Variants in PTPDC1 observed in about 807,000 individuals in gnomAD.
PTPDC1 encodes protein tyrosine phosphatase domain-containing protein 1.
Under a neutral mutation model 75.3 loss-of-function variants are expected in PTPDC1, and 53 were observed. The observed-to-expected ratio is 0.70, with a 90% confidence interval of 0.56 to 0.88. The LOEUF is 0.88. Ranked by LOEUF, PTPDC1 falls within the 40% of genes least tolerant of loss-of-function variation. The pLI, the probability that PTPDC1 is intolerant of heterozygous loss-of-function variation, is 0.00. For missense variants in PTPDC1, 925 were observed against 998.6 expected (o/e 0.93, Z 0.99); for synonymous variants, 349 against 366.2 (o/e 0.95, Z 0.54).
rs1827705154 is a variant in PTPDC1 at position 94,098,490 on chromosome 9, G to A, written c.1924G>A (p.Ala642Thr). ...ATTACAGTCTGAATTGAGTGCTGAG[G>A]CAAGAAGAATACTGGCGGCCAAAGC... ...SALQSELSAE[A>T]RRILAAKALA... Residue 642 changes from alanine (A) to threonine (T), a missense_variant, in exon 6 of 9, where the codon GCA becomes ACA. Transcript: ENST00000620992. 1 of 1,614,200 alleles carries A rather than the reference G, an allele frequency of 6.2e-7. No homozygotes were observed. Among genetic ancestry groups the A allele is most frequent in the South Asian group, 1.1e-5 (1 of 91,086 alleles).
At chr9:94,052,942 G>A (rs1204149503) in intron 1 of PTPDC1, among the ~76,000 whole-genome samples, 1 of 152,198 alleles carries the variant, frequency 6.6e-6, no homozygotes, top group African/African-American at 2.4e-5. Context: ...TAAGCCACCT[G>A]TGGCTGCTTG....
upstream of PTPDC1, among the ~76,000 whole-genome samples, chr9:94,080,460 C>T (rs549264310): frequency 6.6e-6 from 1 of 152,232 alleles, no homozygotes; most frequent in South Asian, 2.1e-4. Context: ...AATGTATGTG[C>T]CTGTGCATAA....
chr9:94,032,028 C>G (rs1259841307), intron 1 of PTPDC1, among the ~76,000 whole-genome samples: 2 of 152,216 alleles, frequency 1.3e-5, no homozygotes, highest in African/African-American at 4.8e-5. Context: ...TTGATCTCCA[C>G]AACAAAGTGT....
At chr9:94,074,535 A>C (rs569698230) in intron 2 of PTPDC1, among the ~76,000 whole-genome samples, 1 of 152,242 alleles carries the variant, frequency 6.6e-6, no homozygotes, top group East Asian at 1.9e-4. Context: ...GGGGAGGAGA[A>C]GGTGGAAAGT....
At chr9:94,039,105 G>A (rs374389154) in intron 1 of PTPDC1, among the ~76,000 whole-genome samples, 8 of 152,138 alleles carry the variant, frequency 5.3e-5, no homozygotes, top group Non-Finnish European at 7.4e-5. Flanking sequence ...CTGTGTATTC[G>A]TGATTGGGAA....
Position 94,031,972 on chromosome 9 carries a change from A to G in PTPDC1, c.-7+845A>G, listed in dbSNP as rs2118364820. ...AGGCACTGTTAACACACACACGTAC[A>G]GGTACATACATATATACACACATAC... On this transcript the variant is annotated intron_variant, in intron 1 of 9. Coordinates refer to the PTPDC1 transcript ENST00000375360. Among the ~76,000 whole-genome samples, 4 of 152,372 alleles carry G rather than the reference A, an allele frequency of 2.6e-5. 1 individual carries two copies. The highest frequency in any genetic ancestry group is 9.6e-5 in the African/African-American group (4 of 41,584).
chr9:94,050,808 G>A (rs1350301737), intron 1 of PTPDC1, among the ~76,000 whole-genome samples: 1 of 152,242 alleles, frequency 6.6e-6, no homozygotes, highest in African/African-American at 2.4e-5. Flanking sequence ...CCTGCCCCCA[G>A]AGGTGGAGTC....
chr9:94,068,936 C>T (rs960681005), intron 2 of PTPDC1, among the ~76,000 whole-genome samples: 1 of 152,088 alleles, frequency 6.6e-6, no homozygotes, highest in African/African-American at 2.4e-5. Context: ...TCAGTTTCCC[C>T]ATATTTGGAC....
chr9:94,038,375 T>A (rs1280809372), intron 1 of PTPDC1: 1 of 465,418 alleles, frequency 2.1e-6, no homozygotes, highest in Non-Finnish European at 3.9e-6. Flanking sequence ...TTATTACAAA[T>A]GTCTCATGAC....
At position 94,098,252 on chromosome 9, in the gene PTPDC1, T is replaced by C. The variant is rs746593163; in HGVS notation, c.1686T>C (p.Phe562=). 2 of 1,614,168 alleles carry C rather than the reference T, an allele frequency of 1.2e-6. No individual in the cohort carries two copies. Among genetic ancestry groups the C allele is most frequent in the Admixed American group, 1.7e-5 (1 of 60,022 alleles). Residue 562 remains phenylalanine, a synonymous_variant, in exon 6 of 9, where the codon TTT becomes TTC. Coordinates refer to ENST00000620992, the MANE Select transcript of PTPDC1 (RefSeq NM_001253829.2). ...HSPGEPVSPS[F]ANVHKDPNPA... is the part of the protein sequence containing the mutation. ...CTGGGGAGCCAGTTTCACCCAGCTTTGCAAATGTCCATAAGGATCCAAACC... is the reference window on the plus strand; with the variant it reads ...CTGGGGAGCCAGTTTCACCCAGCTTCGCAAATGTCCATAAGGATCCAAACC...
intron 2 of PTPDC1, among the ~76,000 whole-genome samples, chr9:94,070,869 T>C (rs1462547436): frequency 6.6e-6 from 1 of 152,224 alleles, no homozygotes; most frequent in Non-Finnish European, 1.5e-5. Flanking sequence ...TGCTGAGTAG[T>C]ATTCCGTGGT....
intron 2 of PTPDC1, among the ~76,000 whole-genome samples, chr9:94,086,805 AT>A (rs1827087850): frequency 6.6e-6 from 1 of 152,246 alleles, no homozygotes; most frequent in Non-Finnish European, 1.5e-5. Flanking sequence ...CAATGAAAGA[AT>A]TGAGTTCCAG....
At chr9:94,049,104 A>T (rs1382189773) in intron 1 of PTPDC1, among the ~76,000 whole-genome samples, 1 of 152,162 alleles carries the variant, frequency 6.6e-6, no homozygotes, top group African/African-American at 2.4e-5. Flanking sequence ...GTGTCTCTGC[A>T]CATGAGATGG....
intron 7 of PTPDC1, among the ~76,000 whole-genome samples, chr9:94,102,991 TACACACAC>T (rs10624415): frequency 2.7e-5 from 4 of 148,968 alleles, no homozygotes; most frequent in South Asian, 2.1e-4. Flanking sequence ...CTGCTGTTAC[TACACACAC>T]ACACACACAC....
At chr9:94,045,023 G>A (rs1825549409) in intron 1 of PTPDC1, among the ~76,000 whole-genome samples, 2 of 113,752 alleles carry the variant, frequency 1.8e-5, no homozygotes, top group Non-Finnish European at 3.3e-5. Flanking sequence ...TTCTCGGTGT[G>A]TGATGTTCCC....
intron 4 of PTPDC1, among the ~76,000 whole-genome samples, chr9:94,093,797 T>C (rs2118033704): frequency 6.8e-6 from 1 of 146,564 alleles, no homozygotes; most frequent in African/African-American, 2.5e-5. Flanking sequence ...TTATTCTTTT[T>C]TCTCTAAACT....
At chr9:94,107,738 T>G (rs1003086284) in intron 8 of PTPDC1, 90 bp from the exon 9 acceptor site, 1 of 603,540 alleles carries the variant, frequency 1.7e-6, no homozygotes, top group African/African-American at 1.9e-5. Flanking sequence ...TGTAAGTCTG[T>G]TTTTTTTCTC....
intron 1 of PTPDC1, among the ~76,000 whole-genome samples, chr9:94,044,391 C>A (rs1825522762): frequency 6.6e-6 from 1 of 152,156 alleles, no homozygotes; most frequent in Non-Finnish European, 1.5e-5. Flanking sequence ...GTTTGCTGCA[C>A]AGATCAACCC....
intron 1 of PTPDC1, among the ~76,000 whole-genome samples, chr9:94,037,560 A>G (rs1314382854): frequency 6.6e-6 from 1 of 152,062 alleles, no homozygotes; most frequent in East Asian, 1.9e-4. Context: ...ATGGTAAGTA[A>G]GTAGCTTTTT....
Sources: allele counts gnomAD v4.1 joint callset (sites outside exome capture counted in the v4.1 genomes callset), GRCh38; gene constraint gnomAD v4.1.1; transcripts MANE v1.5; gene names NCBI Gene and HGNC (gene_info 2026-07-23, HGNC 2026-07-21).